The following ROGDI variants were observed in gnomAD, a reference collection of about 807,000 sequenced individuals.
ROGDI encodes rogdi atypical leucine zipper, also known as protein rogdi homolog.
In ROGDI, 46 loss-of-function variants were observed where a neutral mutation model predicts 43.1. The observed-to-expected ratio is 1.07, with a 90% CI of 0.84 to 1.37. The LOEUF (loss-of-function observed/expected upper bound fraction) is 1.37, where lower values mean the gene tolerates loss of function less well. ROGDI is among the 40% of genes most tolerant of loss of function. The probability of loss-of-function intolerance (pLI) is 0.00; values close to 1 mark genes in which losing one functional copy is unlikely to be tolerated. For missense variants in ROGDI, 518 were observed against 383.9 expected, an observed-to-expected ratio of 1.35 and a Z score of -2.92; for synonymous variants, 243 against 162.0, an observed-to-expected ratio of 1.50 and a Z score of -3.80.
chr16:4,802,476 G>A (rs1176072056), intron 1 of ROGDI, 23 bp from the exon 2 acceptor site: 7 of 1,234,040 alleles, frequency 5.7e-6, no homozygotes, highest in Non-Finnish European at 7.1e-6. Flanking sequence ...CCCGGCGGTC[G>A]CGCCCGGCCC....
chr16:4,797,258 T>TCCCCATTA lies in ROGDI; in HGVS notation c.*201_*202insTAATGGGG. The TCCCCATTA allele has an allele frequency of 7.0e-6, 4 of 570,182 alleles. No individual in the cohort carries two copies. In the South Asian group the frequency reaches 8.5e-5, roughly 12 times the overall value. 35.3% of individuals were successfully genotyped at this position (570,182 alleles called of 1,614,324 possible). On this transcript the variant is annotated 3_prime_UTR_variant, in exon 11 of 11. Transcript: ENST00000322048. ...CACCCTTGGCCCCGCCTCCCTGACC[T>TCCCCATTA]CCCCACTACCCCACCAAACCAGCCT...
chr16:4,797,765 G>T lies in ROGDI; in HGVS notation c.771C>A (p.Ala257=). 1 of 1,608,376 alleles carries T rather than the reference G, an allele frequency of 6.2e-7. No individual in the cohort carries two copies. Among genetic ancestry groups the T allele is most frequent in the Non-Finnish European group, 8.5e-7 (1 of 1,178,132 alleles). The part of the protein sequence containing the change: ...VECVIPWLND[A]LVYFTVSLQL... The stretch of plus-strand genomic sequence containing the variant: ...GCAGGGAGACGGTGAAGTAGACCAG[G>T]GCGTCGTTGAGCCAGGGGATCACGC... Residue 257 remains alanine (A), a synonymous_variant, in exon 10 of 11, where the codon GCC becomes GCA. Transcript: ENST00000322048.
rs1176054315 is a variant in ROGDI, at chr16:4,802,578, AGGCCGCCGCCGAGCGCCCTCCCCACC to A, written c.-33_-8del. The A allele has an allele frequency of 1.2e-5, 16 of 1,307,232 alleles. No individual in the cohort carries two copies. The highest frequency in any genetic ancestry group is 1.6e-5 in the Non-Finnish European group (16 of 1,020,540). The allele number at this position is 1,307,232 out of a possible 1,614,324, so 81.0% of individuals were successfully genotyped here. A position where few individuals can be genotyped will look rare whatever the true frequency, so the allele number is the denominator to read the frequency against. ...CTGCCATCACGGTGGCCATGGCCGC[AGGCCGCCGCCGAGCGCCCTCCCCACC>A]GGCCGCTGCTCCTGTCCACCAATCT... On this transcript the variant is annotated 5_prime_UTR_variant, in exon 1 of 11. Coordinates refer to ENST00000322048, the MANE Select transcript of ROGDI (RefSeq NM_024589.3).
In ROGDI at chr16:4,801,147, C is replaced by A. The variant is rs979355516; in HGVS notation, c.255+120G>T. On this transcript the variant is annotated intron_variant, in intron 4 of 10. Transcript: ENST00000322048. ...TGCTGTCATTTTCCAAAGGAGAAAA[C>A]TGAGGCCAGAGAGATCAAGGGTCCC... The A allele has an allele frequency of 3.9e-6, 3 of 764,116 alleles. No homozygotes were observed. The African/African-American group carries it at 5.3e-5, about 13-fold the overall frequency. The allele number at this position is 764,116 out of a possible 1,614,324, so 47.3% of individuals were successfully genotyped here. A position where few individuals can be genotyped will look rare whatever the true frequency, so the allele number is the denominator to read the frequency against.
intron 6 of ROGDI, 61 bp downstream of exon 6, chr16:4,799,625 G>A (rs1596276441): frequency 7.7e-7 from 1 of 1,299,942 alleles, no homozygotes; most frequent in East Asian, 2.4e-5. Flanking sequence ...TGGAACCCAG[G>A]TGTGATTCCG....
intron 2 of ROGDI, 21 bp downstream of exon 2, chr16:4,802,361 G>T (rs1181884398): frequency 2.4e-5 from 37 of 1,553,712 alleles, no homozygotes; most frequent in Non-Finnish European, 3.2e-5. Context: ...ACGCCCGGCG[G>T]GGCAGGGCGC....
rs763735834 is a variant in ROGDI, at chr16:4,801,593, A to T, written c.118-8T>A. The T allele has an allele frequency of 5.7e-6, 9 of 1,590,224 alleles. No individual in the cohort carries two copies. The highest frequency in any genetic ancestry group is 7.7e-6 in the Non-Finnish European group (9 of 1,168,294). ...GAAGCGCAGAGAGGCCTCCTGTGGA[A>T]CAGAGGGAAGGAGGGGAGCTGGTAG... On this transcript the variant is annotated splice_region_variant and splice_polypyrimidine_tract_variant and intron_variant, in intron 2 of 10. Coordinates refer to ENST00000322048, the MANE Select transcript of ROGDI (RefSeq NM_024589.3).
intron 2 of ROGDI, chr16:4,802,065 G>A (rs1266503247): frequency 1.6e-6 from 1 of 612,180 alleles, no homozygotes; most frequent in Admixed American, 2.1e-5. Flanking sequence ...TGACTTGGCT[G>A]AAGTCACACT....
rs115183551 is a variant in ROGDI at position 4,798,288 on chromosome 16, C to T, written c.532-104G>A. ...GGAGTCTGCAGGGGATCCCAGTCCC[C>T]ACCCCAGAGATGCTCTTCTCATCAA... is the stretch of plus-strand genomic sequence containing the variant. On this transcript the variant is annotated intron_variant, in intron 7 of 10. Transcript: ENST00000322048. 3,043 of 957,674 alleles carry T rather than the reference C, an allele frequency of 3.2e-3. 55 individuals carry two copies. In the African/African-American group the frequency reaches 0.042, roughly 13 times the overall value. The allele number at this position is 957,674 out of a possible 1,614,324, so 59.3% of individuals were successfully genotyped here.
At chr16:4,801,473 T>C (rs1182755019) in intron 3 of ROGDI, 30 bp downstream of exon 3, 4 of 1,587,340 alleles carry the variant, frequency 2.5e-6, no homozygotes, top group South Asian at 1.1e-5. Flanking sequence ...AGGTACCCAT[T>C]TCCCCGGTTT....
Position 4,802,428 on chromosome 16 carries a change from T to A in ROGDI, c.71A>T (p.His24Leu). The A allele has an allele frequency of 1.3e-6, 2 of 1,490,762 alleles. No homozygotes were observed. Among genetic ancestry groups the A allele is most frequent in the East Asian group, 2.8e-5 (1 of 36,116 alleles). The allele number at this position is 1,490,762 out of a possible 1,614,324, so 92.3% of individuals were successfully genotyped here. A position where few individuals can be genotyped will look rare whatever the true frequency, so the allele number is the denominator to read the frequency against. The change falls in exon 2 of 11, where the codon CAC (histidine) becomes CTC (leucine). Residue 24 changes from histidine (H) to leucine (L), a missense_variant. Coordinates refer to ENST00000322048, the MANE Select transcript of ROGDI (RefSeq NM_024589.3). ...VLEEEFRWLL[H>L]DEVHAVLKQL... ...CTTCAACACAGCGTGCACCTCGTCG[T>A]GCAGCAGCCAGCGGAACTCCTCCTC...
In ROGDI at chr16:4,801,532, C is replaced by A. The variant is rs1187718939; in HGVS notation, c.171G>T (p.Lys57Asn). The A allele has an allele frequency of 6.2e-7, 1 of 1,607,006 alleles. No homozygotes were observed. Among genetic ancestry groups the A allele is most frequent in the Admixed American group, 1.7e-5 (1 of 58,762 alleles). ...LPGSGTEGPA[K>N]QENFILGSCG... is the part of the protein sequence containing the mutation. ...AGCTGCCTAGGATGAAGTTCTCTTG[C>A]TTGGCGGGCCCCTCAGTGCCGGAGC... The change falls in exon 3 of 11, where the codon AAG (lysine) becomes AAT (asparagine). Residue 57 changes from lysine to asparagine, a missense_variant. Transcript: ENST00000322048.
In ROGDI at chr16:4,797,132, AG is replaced by A; in HGVS notation, c.*327del. 1 of 287,712 alleles carries A rather than the reference AG, an allele frequency of 3.5e-6. No individual in the cohort carries two copies. The highest frequency in any genetic ancestry group is 6.6e-6 in the Non-Finnish European group (1 of 150,760). The allele number at this position is 287,712 out of a possible 1,614,324, so 17.8% of individuals were successfully genotyped here. On this transcript the variant is annotated 3_prime_UTR_variant, in exon 11 of 11. Transcript: ENST00000322048. ...CCCCGACACCATGCCCTCCAGGGGGAGGGGACAGCGAAGGGGAGAGGAGGGA... is the reference window on the plus strand; with the variant it reads ...CCCCGACACCATGCCCTCCAGGGGGAGGGACAGCGAAGGGGAGAGGAGGGA...
intron 5 of ROGDI, 53 bp from the exon 6 acceptor site, chr16:4,799,834 G>T: frequency 1.5e-6 from 2 of 1,297,496 alleles, no homozygotes; most frequent in East Asian, 2.4e-5. Context: ...GCGGCCAGGA[G>T]GGGAGAGTGG....
intron 6 of ROGDI, chr16:4,798,929 A>G: frequency 2.0e-6 from 1 of 512,350 alleles, no homozygotes; most frequent in Non-Finnish European, 3.4e-6. Flanking sequence ...GGGGAATGGA[A>G]GGTCCTGGGA....
At chr16:4,800,666 G>C (rs962943021) in intron 4 of ROGDI, 88 bp from the exon 5 acceptor site, 1 of 1,127,808 alleles carries the variant, frequency 8.9e-7, no homozygotes, top group Non-Finnish European at 1.3e-6. Context: ...GGCAGAAATG[G>C]GGTGTGTGGT....
chr16:4,801,227 C>T, intron 4 of ROGDI, 40 bp downstream of exon 4: 2 of 1,547,278 alleles, frequency 1.3e-6, no homozygotes, highest in South Asian at 2.4e-5. Flanking sequence ...ATGCTCTTCC[C>T]CATTGGCAGG....
At chr16:4,800,285 G>A (rs549786240) in intron 5 of ROGDI, among the ~76,000 whole-genome samples, 192 of 152,260 alleles carry the variant, frequency 1.3e-3, no homozygotes, top group African/African-American at 4.4e-3. Flanking sequence ...TGTGGCCCTC[G>A]GGGCTCTCAG....
chr16:4,799,614 T>C (rs970265228), intron 6 of ROGDI, 72 bp downstream of exon 6: 2 of 1,181,494 alleles, frequency 1.7e-6, no homozygotes, highest in Admixed American at 4.0e-5. Context: ...GGCCCTGGGA[T>C]TGGAACCCAG....
Sources: allele counts gnomAD v4.1 joint callset (sites outside exome capture counted in the v4.1 genomes callset), GRCh38; gene constraint gnomAD v4.1.1; transcripts MANE v1.5; gene names NCBI Gene and HGNC (gene_info 2026-07-23, HGNC 2026-07-21).